Variants in ARHGAP40 observed in about 807,000 individuals in gnomAD.
The protein encoded by ARHGAP40 is Rho GTPase activating protein 40.
A neutral mutation model predicts 73.5 loss-of-function variants in ARHGAP40; 43 were observed. The observed-to-expected ratio is 0.58, with a 90% CI of 0.46 to 0.75. The LOEUF (loss-of-function observed/expected upper bound fraction) is 0.75. ARHGAP40 is among the 30% of genes least tolerant of loss of function. The pLI is 0.00. For synonymous variants in ARHGAP40, 300 were observed against 352.8 expected (o/e 0.85, Z 1.68); for missense variants, 734 against 861.8 (o/e 0.85, Z 1.86).
At chr20:38,609,747 C>T (rs961851557) in intron 1 of ARHGAP40, among the ~76,000 whole-genome samples, 2 of 152,182 alleles carry the variant, frequency 1.3e-5, no homozygotes, top group Non-Finnish European at 2.9e-5. Flanking sequence ...GGGCAAAACT[C>T]CAGGGCAAGA....
intron 14 of ARHGAP40, 25 bp from the exon 15 acceptor site, chr20:38,649,732 C>G: frequency 9.4e-6 from 12 of 1,279,926 alleles, no homozygotes; most frequent in South Asian, 1.2e-5. Context: ...TCCCACTCAA[C>G]CTCCTTCACC....
At chr20:38,633,900 G>C (rs2088957163) in intron 5 of ARHGAP40, among the ~76,000 whole-genome samples, 1 of 152,246 alleles carries the variant, frequency 6.6e-6, no homozygotes, top group Non-Finnish European at 1.5e-5. Context: ...CAAAGGACCA[G>C]AGTAGAAGCA....
chr20:38,625,881 A>G (rs1010961266), intron 2 of ARHGAP40, among the ~76,000 whole-genome samples: 26 of 152,234 alleles, frequency 1.7e-4, no homozygotes, highest in Admixed American at 6.5e-4. Flanking sequence ...AATGTAGCCC[A>G]TGATTAAGGG....
intron 13 of ARHGAP40, among the ~76,000 whole-genome samples, chr20:38,647,450 G>T (rs894883324): frequency 1.3e-5 from 2 of 152,156 alleles, no homozygotes; most frequent in Non-Finnish European, 2.9e-5. Context: ...GAGTGCAGTG[G>T]CTCGATCTTG....
In ARHGAP40 at chr20:38,604,244, A is replaced by G. The variant is rs551638664; in HGVS notation, c.137+2165A>G. On this transcript the variant is annotated intron_variant, in intron 1 of 14. Transcript: ENST00000373345. The stretch of plus-strand genomic sequence containing the variant: ...CTTTGAGGCAATTAATATTGAATTC[A>G]CTATAAGAGCTCGTGACCCATTGAA... Among the ~76,000 whole-genome samples, 3 of 152,274 alleles carry G rather than the reference A, an allele frequency of 2.0e-5. No individual in the cohort carries two copies. The South Asian group carries it at 6.2e-4, about 32-fold the overall frequency.
intron 13 of ARHGAP40, among the ~76,000 whole-genome samples, chr20:38,647,744 C>T (rs58437659): frequency 0.04 from 6,070 of 152,236 alleles, 413 homozygotes; most frequent in African/African-American, 0.14. Context: ...CAGACAGAGG[C>T]CCTGCTCTTA....
intron 9 of ARHGAP40, 132 bp downstream of exon 9, chr20:38,639,518 TG>T: frequency 2.8e-6 from 3 of 1,079,266 alleles, no homozygotes; most frequent in Non-Finnish European, 3.6e-6. Flanking sequence ...GTCCAACTGA[TG>T]GGGGAAGAAG....
chr20:38,631,947 A>T (rs1034406972), intron 5 of ARHGAP40, among the ~76,000 whole-genome samples: 4 of 152,084 alleles, frequency 2.6e-5, no homozygotes, highest in African/African-American at 9.7e-5. Context: ...AATAACATTT[A>T]TATTTATTTA....
At position 38,618,534 on chromosome 20, in the gene ARHGAP40, G is replaced by A. The variant is rs1196140355; in HGVS notation, c.138-4825G>A. ...TGGGACAGAGCGGGCAAGAATACCT[G>A]CTCTCTGCTCCATGATGTCTGGGGT... On this transcript the variant is annotated intron_variant, in intron 1 of 14. Coordinates refer to ENST00000373345, the Ensembl canonical transcript of ARHGAP40. Among the ~76,000 whole-genome samples the A allele has an allele frequency of 2.6e-5, 4 of 152,176 alleles. No homozygotes were observed. The South Asian group carries it at 8.3e-4, about 32-fold the overall frequency.
chr20:38,634,190 A>G (rs1601145347), intron 5 of ARHGAP40, among the ~76,000 whole-genome samples: 1 of 152,174 alleles, frequency 6.6e-6, no homozygotes, highest in East Asian at 1.9e-4. Flanking sequence ...TGTCTCTACA[A>G]AACATACAAA....
In ARHGAP40 at chr20:38,643,918, C is replaced by T. The variant is rs1389500809; in HGVS notation, c.1569+8C>T. ...CAGGATCTGCTGTGGACGGTGAGTG[C>T]TGCTGGGCGCTGGGTATCCCTCTGG... On this transcript the variant is annotated splice_region_variant and intron_variant, in intron 11 of 14. Transcript: ENST00000373345. The T allele has an allele frequency of 3.1e-6, 4 of 1,287,950 alleles. No homozygotes were observed. The highest frequency in any genetic ancestry group is 1.5e-5 in the African/African-American group (1 of 65,644). 79.8% of individuals were successfully genotyped at this position (1,287,950 alleles called of 1,614,324 possible).
chr20:38,629,692 G>A (rs1323471364), intron 5 of ARHGAP40, 42 bp downstream of exon 5: 8 of 1,298,600 alleles, frequency 6.2e-6, no homozygotes, highest in Non-Finnish European at 8.1e-6. Flanking sequence ...AGGTCCCCCT[G>A]TGCTCAGGCA....
intron 1 of ARHGAP40, among the ~76,000 whole-genome samples, chr20:38,616,271 G>T (rs1225699679): frequency 6.6e-6 from 1 of 152,232 alleles, no homozygotes; most frequent in African/African-American, 2.4e-5. Context: ...CCCAACAGCG[G>T]CTGTTGCTCT....
chr20:38,616,085 C>A (rs1012221730), intron 1 of ARHGAP40, among the ~76,000 whole-genome samples: 1 of 152,042 alleles, frequency 6.6e-6, no homozygotes, highest in African/African-American at 2.4e-5. Context: ...GCCACCCCAC[C>A]ACCCAGGCAC....
chr20:38,647,021 C>G (rs980261817), exon 13 of ARHGAP40: 2 of 1,305,404 alleles, frequency 1.5e-6, no homozygotes, highest in Non-Finnish European at 2.0e-6. Context: ...GTGCCTCTCA[C>G]CCCCAGCACC....
intron 1 of ARHGAP40, among the ~76,000 whole-genome samples, chr20:38,611,467 G>T (rs919358596): frequency 1.3e-5 from 2 of 149,366 alleles, no homozygotes; most frequent in East Asian, 3.9e-4. Flanking sequence ...ACCCAAGCTG[G>T]AGTGCAGTAA....
At chr20:38,607,959 G>T (rs1045098598) in intron 1 of ARHGAP40, among the ~76,000 whole-genome samples, 2 of 151,984 alleles carry the variant, frequency 1.3e-5, no homozygotes, top group Admixed American at 1.3e-4. Flanking sequence ...TGCTTTCCAG[G>T]AACTCTTTAT....
At chr20:38,645,347 C>A (rs996633775) in intron 11 of ARHGAP40, among the ~76,000 whole-genome samples, 3 of 152,128 alleles carry the variant, frequency 2.0e-5, no homozygotes, top group African/African-American at 7.2e-5. Flanking sequence ...TGTAATACTT[C>A]TTTTTATTGG....
At chr20:38,614,848 C>A (rs777663222) in intron 1 of ARHGAP40, 60 of 881,174 alleles carry the variant, frequency 6.8e-5, no homozygotes, top group Non-Finnish European at 1.0e-4. Context: ...GCTCCAGAAC[C>A]ATGAGTACCT....
Sources: gnomAD v4.1 joint callset for allele counts (sites outside exome capture counted in the v4.1 genomes callset) on GRCh38, gnomAD v4.1.1 for gene constraint, MANE v1.5 for transcripts, NCBI Gene and HGNC (gene_info 2026-07-23, HGNC 2026-07-21) for gene names.